CACNA1B: variants seen among roughly 807,000 people sequenced by gnomAD.
The protein encoded by CACNA1B is calcium voltage-gated channel subunit alpha1 B.
Under a neutral mutation model 247.2 loss-of-function variants are expected in CACNA1B, and 70 were observed. That is an observed-to-expected ratio of 0.28 (90% CI 0.23 to 0.35). The LOEUF (loss-of-function observed/expected upper bound fraction) is 0.35, where lower values mean the gene tolerates loss of function less well. Ranked by LOEUF, CACNA1B falls within the 10% of genes least tolerant of loss-of-function variation. CACNA1B has a pLI of 1.00. For missense variants in CACNA1B, 2,367 were observed against 3,197.4 expected, an observed-to-expected ratio of 0.74 and a Z score of 6.26; for synonymous variants, 1,231 against 1,294.4, an observed-to-expected ratio of 0.95 and a Z score of 1.05.
chr9:137,897,804 C>T (rs540445991), intron 3 of CACNA1B, among the ~76,000 whole-genome samples: 39 of 151,932 alleles, frequency 2.6e-4, no homozygotes, highest in Admixed American at 1.6e-3. Flanking sequence ...CTCAGCCTCC[C>T]GAGTAGCTGG....
At chr9:138,000,313 T>G (rs377738898) in intron 15 of CACNA1B, among the ~76,000 whole-genome samples, 11 of 152,124 alleles carry the variant, frequency 7.2e-5, no homozygotes, top group Non-Finnish European at 1.5e-4. Context: ...TTAGCCAGGA[T>G]GGTCTCGATC....
chr9:137,896,260 A>T, intron 3 of CACNA1B, among the ~76,000 whole-genome samples: 1 of 150,262 alleles, frequency 6.7e-6, no homozygotes, highest in Admixed American at 6.6e-5. Context: ...AAAAAAAAAA[A>T]GTTAGCTGTA....
At chr9:138,060,150 GA>G (rs1413288631) in intron 31 of CACNA1B, among the ~76,000 whole-genome samples, 1 of 152,018 alleles carries the variant, frequency 6.6e-6, no homozygotes, top group African/African-American at 2.4e-5. Context: ...TATATATCTG[GA>G]AATACTCATT....
chr9:138,026,155 A>G (rs1958918581), intron 20 of CACNA1B, among the ~76,000 whole-genome samples: 1 of 152,214 alleles, frequency 6.6e-6, no homozygotes, highest in Admixed American at 6.5e-5. Flanking sequence ...TCTCTTGCTC[A>G]GGTGCTCTCA....
chr9:138,112,111 C>T (rs1298813401), intron 39 of CACNA1B, among the ~76,000 whole-genome samples: 3 of 129,538 alleles, frequency 2.3e-5, no homozygotes, highest in Non-Finnish European at 5.4e-5. Context: ...CACACACGAA[C>T]GTGCAGTGCA....
At chr9:137,927,411 C>T (rs1219054422) in intron 6 of CACNA1B, among the ~76,000 whole-genome samples, 18 of 152,088 alleles carry the variant, frequency 1.2e-4, no homozygotes, top group East Asian at 1.2e-3. Context: ...TTAGTAGAGA[C>T]GGGGTTTCTC....
chr9:138,116,414 C>T (rs1961869251), intron 42 of CACNA1B, among the ~76,000 whole-genome samples: 1 of 152,202 alleles, frequency 6.6e-6, no homozygotes, highest in South Asian at 2.1e-4. Flanking sequence ...AAAGTGTGCT[C>T]CCAAATCTCA....
intron 6 of CACNA1B, among the ~76,000 whole-genome samples, chr9:137,943,670 G>A (rs1589022809): frequency 6.6e-6 from 1 of 152,168 alleles, no homozygotes; most frequent in Non-Finnish European, 1.5e-5. Flanking sequence ...TGCTTCTAGT[G>A]AACAAGGGCC....
rs995018770 is a variant in CACNA1B, at chr9:138,072,382, G to A, written c.4675-1106G>A. On this transcript the variant is annotated intron_variant, in intron 32 of 46. Coordinates refer to ENST00000371372, the MANE Select transcript of CACNA1B (RefSeq NM_000718.4). The surrounding 1 kb of genome is among the most constrained non-coding windows in gnomAD (Gnocchi z 4.5). ...CACTGACACCTCATTCCCACCTAAC[G>A]GTAGCCCTGGAGAGTCGGGATGCTC... Among the ~76,000 whole-genome samples, 2 of 152,184 alleles carry A rather than the reference G, an allele frequency of 1.3e-5. No individual in the cohort carries two copies. The highest frequency in any genetic ancestry group is 1.9e-4 in the East Asian group (1 of 5,194).
intron 35 of CACNA1B, among the ~76,000 whole-genome samples, chr9:138,077,160 G>A (rs1369173709): frequency 6.6e-6 from 1 of 152,184 alleles, no homozygotes; most frequent in Non-Finnish European, 1.5e-5. Flanking sequence ...CAGCAGCCCT[G>A]CAGGAACCCC....
intron 36 of CACNA1B, among the ~76,000 whole-genome samples, chr9:138,090,475 C>T (rs12347510): frequency 1.3e-5 from 2 of 151,820 alleles, no homozygotes; most frequent in African/African-American, 2.4e-5. Context: ...AGGGAAAACA[C>T]TTCAGGATAT....
At chr9:137,969,670 G>A (rs1381087896) in intron 10 of CACNA1B, among the ~76,000 whole-genome samples, 1 of 152,210 alleles carries the variant, frequency 6.6e-6, no homozygotes, top group Non-Finnish European at 1.5e-5. Context: ...TGAGGAGTGT[G>A]TCTGTGTGAG....
chr9:138,078,869 G>A (rs1373105466), intron 36 of CACNA1B, among the ~76,000 whole-genome samples: 2 of 152,204 alleles, frequency 1.3e-5, no homozygotes, highest in South Asian at 2.1e-4. Flanking sequence ...ATGGGCATGC[G>A]AAGAGGAAAA....
chr9:138,074,085 G>C lies in CACNA1B; in HGVS notation c.4857+19G>C. On this transcript the variant is annotated intron_variant, in intron 34 of 46. Transcript: ENST00000371372. ...CATGCAGGTGGGTGCTCCCCTTTGG[G>C]ACAGAGCGTGGTTCCGGCCTCCCGT... 1 of 1,600,910 alleles carries C rather than the reference G, an allele frequency of 6.2e-7. No homozygotes were observed. The highest frequency in any genetic ancestry group is 8.5e-7 in the Non-Finnish European group (1 of 1,169,948).
rs781201314 is a variant in CACNA1B, at chr9:138,118,031, C to G, written c.5863C>G (p.Leu1955Val). The change falls in exon 43 of 47, where the codon CTG becomes GTG. Residue 1955 changes from leucine (L) to valine (V), a missense_variant. Physicochemically the swap from Leu to Val is conservative, Grantham distance 32 (BLOSUM62 1). Coordinates refer to ENST00000371372, the MANE Select transcript of CACNA1B (RefSeq NM_000718.4). ...TGCACCCCATGAGGCCAGGCCACCC[C>G]TGGAGCGTGGCCACTCCACAGAGAT... ...QDAPHEARPP[L>V]ERGHSTEIPV... is the part of the protein sequence containing the mutation. 1.3e-5 allele frequency: 21 copies of G among 1,599,172 alleles called. No homozygotes were observed. The South Asian group carries it at 1.9e-4, about 15-fold the overall frequency.
rs201238415 is a variant in CACNA1B, at chr9:138,111,733, A to AC, written c.5429-661dup. 8.8e-3 allele frequency among the ~76,000 whole-genome samples: 1,288 copies of AC among 147,192 alleles called. 17 individuals carry two copies. The highest frequency in any genetic ancestry group is 0.03 in the African/African-American group (1,194 of 39,888). ...ACTGCCTTCCCTAACCCTCCTGCCC[A>AC]CCCCTCCATCCACCCTGCCCCGAGG... On this transcript the variant is annotated intron_variant, in intron 39 of 46. Transcript: ENST00000371372.
At chr9:137,932,598 T>C (rs1957620492) in intron 6 of CACNA1B, among the ~76,000 whole-genome samples, 1 of 152,194 alleles carries the variant, frequency 6.6e-6, no homozygotes, top group South Asian at 2.1e-4. Flanking sequence ...GCAGTTCTCT[T>C]TTCCCAGTGG....
chr9:138,025,555 C>T (rs918088861), intron 20 of CACNA1B, among the ~76,000 whole-genome samples: 12 of 152,194 alleles, frequency 7.9e-5, no homozygotes, highest in Admixed American at 1.3e-4. Flanking sequence ...TGTCCACGGC[C>T]TTGACTGGGG....
At chr9:137,936,615 C>G (rs1957671938) in intron 6 of CACNA1B, among the ~76,000 whole-genome samples, 1 of 152,196 alleles carries the variant, frequency 6.6e-6, no homozygotes, top group Non-Finnish European at 1.5e-5. Flanking sequence ...GGTTTTAAGT[C>G]TGACATTTAA....
Sources: allele counts gnomAD v4.1 joint callset (sites outside exome capture counted in the v4.1 genomes callset), GRCh38; gene constraint gnomAD v4.1.1; non-coding constraint Gnocchi (gnomAD v3.1); transcripts MANE v1.5; gene names NCBI Gene and HGNC (gene_info 2026-07-23, HGNC 2026-07-21).